The following TSPAN8 variants were observed in gnomAD, a reference collection of about 807,000 sequenced individuals.
The protein encoded by TSPAN8 is tetraspanin-8.
TSPAN8 carries 21 observed loss-of-function variants against 32.8 expected under a neutral mutation model. The ratio of observed to expected loss-of-function variants is 0.64; its 90% CI spans 0.45 to 0.92. The LOEUF is 0.92. TSPAN8 is among the 40% of genes least tolerant of loss of function. The pLI, the probability that TSPAN8 is intolerant of heterozygous loss-of-function variation, is 0.00. For missense variants in TSPAN8, 269 were observed against 281.9 expected (o/e 0.95, Z 0.33); for synonymous variants, 95 against 94.6 (o/e 1.00, Z -0.03).
At chr12:71,145,213 T>C (rs1447291866) in intron 2 of TSPAN8, among the ~76,000 whole-genome samples, 4 of 152,006 alleles carry the variant, frequency 2.6e-5, no homozygotes, top group African/African-American at 9.7e-5. Context: ...GCAGGGGAAA[T>C]AGAGTCAAGG....
At chr12:71,133,873 A>C (rs1871598704) in intron 6 of TSPAN8, among the ~76,000 whole-genome samples, 2 of 152,168 alleles carry the variant, frequency 1.3e-5, no homozygotes, top group South Asian at 4.1e-4. Flanking sequence ...TGCTCAATTA[A>C]GGGGAAAACA....
At chr12:71,132,591 A>T (rs751770576) in intron 7 of TSPAN8, 102 bp downstream of exon 7, 77 of 1,325,916 alleles carry the variant, frequency 5.8e-5, no homozygotes, top group Non-Finnish European at 7.8e-5. Flanking sequence ...TTATATCATG[A>T]TTCCCATGGT....
intron 2 of TSPAN8, among the ~76,000 whole-genome samples, chr12:71,146,385 C>A (rs7295611): frequency 0.38 from 58,429 of 151,836 alleles, 11,967 homozygotes; most frequent in African/African-American, 0.46. Flanking sequence ...CTTTGAAAGT[C>A]AATTTATTTT....
chr12:71,156,837 G>C (rs997557046), intron 2 of TSPAN8: 4 of 152,012 alleles, frequency 2.6e-5, no homozygotes, highest in Non-Finnish European at 5.9e-5. Context: ...ATCTTTAATT[G>C]TACCATATAT....
intron 8 of TSPAN8, among the ~76,000 whole-genome samples, chr12:71,125,595 C>T (rs1390050922): frequency 6.6e-6 from 1 of 152,046 alleles, no homozygotes; most frequent in Non-Finnish European, 1.5e-5. Flanking sequence ...GTGTTTTAAT[C>T]AGCTTTTTTA....
At chr12:71,126,822 A>G (rs949160176) in intron 8 of TSPAN8, among the ~76,000 whole-genome samples, 1 of 151,454 alleles carries the variant, frequency 6.6e-6, no homozygotes, top group African/African-American at 2.4e-5. Flanking sequence ...GTAAGTTGTT[A>G]TAGTCAAATG....
At chr12:71,149,106 G>T (rs990748622) in intron 2 of TSPAN8, among the ~76,000 whole-genome samples, 2 of 152,100 alleles carry the variant, frequency 1.3e-5, no homozygotes, top group Admixed American at 6.6e-5. Flanking sequence ...TTCTGATTTA[G>T]AGTTCATTCA....
In TSPAN8 at chr12:71,132,674, A is replaced by C. The variant is rs1871553592; in HGVS notation, c.576+19T>G. The C allele has an allele frequency of 6.8e-6, 11 of 1,611,272 alleles. No individual in the cohort carries two copies. The highest frequency in any genetic ancestry group is 8.5e-6 in the Non-Finnish European group (10 of 1,179,086). On this transcript the variant is annotated intron_variant, in intron 7 of 8. Transcript: ENST00000247829. ...AGTAACAGAATTGCTTATTGTACCA[A>C]ATGTGATTTAGTTCTCACCTCTTTG...
At chr12:71,128,786 T>A (rs1055926555) in intron 8 of TSPAN8, among the ~76,000 whole-genome samples, 1 of 152,016 alleles carries the variant, frequency 6.6e-6, no homozygotes, top group Non-Finnish European at 1.5e-5. Context: ...TCCAAGTGAG[T>A]CAATAGTACT....
At position 71,156,263 on chromosome 12, in the gene TSPAN8, A is replaced by AC. The variant is rs1237113918; in HGVS notation, c.60+1355_60+1356insG. On this transcript the variant is annotated intron_variant, in intron 2 of 8. Transcript: ENST00000247829. The stretch of plus-strand genomic sequence containing the variant: ...TTCAAAGTTCTCCAAAAAAAAAAAA[A>AC]AAAAACAAACAAAAAAAAAACTAGA... Among the ~76,000 whole-genome samples the AC allele has an allele frequency of 9.2e-4, 60 of 65,208 alleles. 6 individuals are homozygous for AC. The highest frequency in any genetic ancestry group is 2.7e-3 in the African/African-American group (55 of 20,166). 42.8% of individuals were successfully genotyped at this position (65,208 alleles called of 152,430 possible).
chr12:71,144,244 T>C (rs1226059712), intron 2 of TSPAN8, 31 bp from the exon 3 acceptor site: 1 of 1,595,110 alleles, frequency 6.3e-7, no homozygotes, highest in Admixed American at 1.7e-5. Context: ...ACAAAAAGAA[T>C]ACAATTAGGA....
At chr12:71,126,671 A>G (rs974771532) in intron 8 of TSPAN8, among the ~76,000 whole-genome samples, 3 of 152,156 alleles carry the variant, frequency 2.0e-5, no homozygotes, top group African/African-American at 7.2e-5. Context: ...AAAATGTAAA[A>G]TTATCATTTT....
chr12:71,129,190 C>T (rs1392384543), intron 8 of TSPAN8, 141 bp downstream of exon 8: 2 of 835,006 alleles, frequency 2.4e-6, no homozygotes, highest in Non-Finnish European at 3.5e-6. Context: ...CTTTAGCATC[C>T]AGTGCTTTTC....
At chr12:71,135,340 GAGGAAGA>G (rs1871658939) in intron 6 of TSPAN8, among the ~76,000 whole-genome samples, 1 of 142,512 alleles carries the variant, frequency 7.0e-6, no homozygotes, top group Non-Finnish European at 1.5e-5. Context: ...GAAGGAGGAG[GAGGAAGA>G]AGGAGGAGAA....
intron 8 of TSPAN8, among the ~76,000 whole-genome samples, chr12:71,126,128 C>G (rs1358753299): frequency 6.6e-6 from 1 of 152,086 alleles, no homozygotes; most frequent in Non-Finnish European, 1.5e-5. Flanking sequence ...TCCTCCCCCA[C>G]CAGCCCCTTT....
intron 2 of TSPAN8, among the ~76,000 whole-genome samples, chr12:71,152,669 G>T (rs2137061618): frequency 6.6e-6 from 1 of 152,232 alleles, no homozygotes; most frequent in Non-Finnish European, 1.5e-5. Context: ...GCCTTTTGGT[G>T]CTGTTTTAGC....
At chr12:71,132,165 C>A (rs1871537548) in intron 7 of TSPAN8, among the ~76,000 whole-genome samples, 1 of 152,094 alleles carries the variant, frequency 6.6e-6, no homozygotes, top group Non-Finnish European at 1.5e-5. Context: ...TTCTCAATTG[C>A]AGCAATAACT....
chr12:71,134,436 A>G (rs1455831961), intron 6 of TSPAN8, among the ~76,000 whole-genome samples: 3 of 152,250 alleles, frequency 2.0e-5, no homozygotes, highest in African/African-American at 7.2e-5. Context: ...TTCAAATAAC[A>G]GAGATAAACT....
At chr12:71,152,953 G>A (rs1047348283) in intron 2 of TSPAN8, among the ~76,000 whole-genome samples, 7 of 152,124 alleles carry the variant, frequency 4.6e-5, no homozygotes, top group Admixed American at 2.0e-4. Flanking sequence ...TTCTTTCTGC[G>A]CTCTTCAAAC....
Sources: gnomAD v4.1 joint callset for allele counts (sites outside exome capture counted in the v4.1 genomes callset) on GRCh38, gnomAD v4.1.1 for gene constraint, MANE v1.5 for transcripts, NCBI Gene and HGNC (gene_info 2026-07-23, HGNC 2026-07-21) for gene names.